The following CTNND2 variants were observed in gnomAD, a reference collection of about 807,000 sequenced individuals.
CTNND2 encodes catenin delta-2.
In CTNND2, 22 loss-of-function variants were observed where a neutral mutation model predicts 144.4. That is an observed-to-expected ratio of 0.15 (90% CI 0.11 to 0.22). The LOEUF (loss-of-function observed/expected upper bound fraction) is 0.22, where lower values mean the gene tolerates loss of function less well. Among genes scored for constraint, CTNND2 ranks in the 10% least tolerant of loss-of-function variants. The pLI is 1.00. For missense variants in CTNND2, 1,353 were observed against 1,618.8 expected (o/e 0.84, Z 2.82); for synonymous variants, 751 against 695.6 (o/e 1.08, Z -1.25).
chr5:11,814,920 G>A (rs1160914654), intron 1 of CTNND2, among the ~76,000 whole-genome samples: 2 of 152,146 alleles, frequency 1.3e-5, no homozygotes, highest in Admixed American at 1.3e-4. Context: ...AGTTAGAATT[G>A]ACCATAGCAG....
At chr5:11,154,333 G>A (rs756643335) in intron 12 of CTNND2, among the ~76,000 whole-genome samples, 10 of 152,152 alleles carry the variant, frequency 6.6e-5, no homozygotes, top group Non-Finnish European at 1.3e-4. Flanking sequence ...TCATTTCATG[G>A]CCATCCAGTC....
chr5:11,526,394 T>C (rs1773250024), intron 3 of CTNND2, among the ~76,000 whole-genome samples: 1 of 152,178 alleles, frequency 6.6e-6, no homozygotes, highest in Admixed American at 6.5e-5. Context: ...ATATGTTGTT[T>C]TGCTTCAAGT....
chr5:11,486,607 AG>A (rs924317351), intron 3 of CTNND2, among the ~76,000 whole-genome samples: 21 of 152,114 alleles, frequency 1.4e-4, no homozygotes, highest in Non-Finnish European at 2.1e-4. Context: ...GAGGGAATCC[AG>A]GAGGAATGAA....
intron 6 of CTNND2, among the ~76,000 whole-genome samples, chr5:11,395,633 C>G (rs573765188): frequency 6.6e-6 from 1 of 152,198 alleles, no homozygotes; most frequent in African/African-American, 2.4e-5. Flanking sequence ...GGCCCTTTAT[C>G]TCAATGGAAT....
chr5:11,031,030 T>G (rs1743417980), intron 16 of CTNND2, among the ~76,000 whole-genome samples: 1 of 152,214 alleles, frequency 6.6e-6, no homozygotes, highest in Non-Finnish European at 1.5e-5. Flanking sequence ...TCCCTGGGCA[T>G]GCATACTGGC....
At chr5:11,422,208 TG>T (rs1217712765) in intron 3 of CTNND2, among the ~76,000 whole-genome samples, 1 of 144,944 alleles carries the variant, frequency 6.9e-6, no homozygotes, top group African/African-American at 2.7e-5. Flanking sequence ...GAATTTATAT[TG>T]TCTACCTTTT....
chr5:11,171,093 G>C (rs563294592), intron 11 of CTNND2, among the ~76,000 whole-genome samples: 6 of 152,286 alleles, frequency 3.9e-5, no homozygotes, highest in African/African-American at 1.4e-4. Flanking sequence ...GGTGGGGACA[G>C]AGCCAAACTA....
chr5:11,186,490 C>T (rs1735640287), intron 11 of CTNND2, among the ~76,000 whole-genome samples: 2 of 152,146 alleles, frequency 1.3e-5, no homozygotes, highest in Admixed American at 1.3e-4. Flanking sequence ...ACCTCAAATT[C>T]ATTCTAATTT....
chr5:11,514,671 G>A (rs1053641112), intron 3 of CTNND2, among the ~76,000 whole-genome samples: 1 of 152,186 alleles, frequency 6.6e-6, no homozygotes, highest in Non-Finnish European at 1.5e-5. Context: ...CACACAGGAG[G>A]TGTCATTTTA....
At chr5:11,113,160 C>T (rs913852812) in intron 13 of CTNND2, among the ~76,000 whole-genome samples, 5 of 151,908 alleles carry the variant, frequency 3.3e-5, no homozygotes, top group Admixed American at 6.6e-5. Context: ...AACAAAAAAA[C>T]AAGCAAAAAA....
At chr5:11,648,015 G>T (rs1457292791) in intron 2 of CTNND2, among the ~76,000 whole-genome samples, 1 of 152,074 alleles carries the variant, frequency 6.6e-6, no homozygotes, top group Non-Finnish European at 1.5e-5. Flanking sequence ...CCTAGATATT[G>T]CCTTCTATAT....
intron 1 of CTNND2, among the ~76,000 whole-genome samples, chr5:11,855,019 T>C (rs1459425355): frequency 6.6e-6 from 1 of 152,232 alleles, no homozygotes; most frequent in African/African-American, 2.4e-5. Context: ...GTAACTATAA[T>C]GTGCAGCTGC....
intron 10 of CTNND2, among the ~76,000 whole-genome samples, chr5:11,229,103 C>A (rs537738684): frequency 1.3e-5 from 2 of 152,132 alleles, no homozygotes; most frequent in African/African-American, 2.4e-5. Context: ...CAGGTCGAAA[C>A]CTTAAATTAC....
chr5:11,114,744 C>T (rs1407804597), intron 13 of CTNND2, among the ~76,000 whole-genome samples: 2 of 152,154 alleles, frequency 1.3e-5, no homozygotes. Context: ...GAGTCACAAG[C>T]TTGTATGGAA....
chr5:11,799,262 T>C (rs1438576668), intron 1 of CTNND2, among the ~76,000 whole-genome samples: 1 of 152,206 alleles, frequency 6.6e-6, no homozygotes, highest in Non-Finnish European at 1.5e-5. Flanking sequence ...TCCCATTCTG[T>C]GATTCTATCT....
chr5:11,662,771 A>T (rs191182456), intron 2 of CTNND2, among the ~76,000 whole-genome samples: 1 of 152,242 alleles, frequency 6.6e-6, no homozygotes, highest in East Asian at 1.9e-4. Flanking sequence ...ATGAGATGGG[A>T]CAGTTTGGGC....
At chr5:11,467,029 GC>G (rs1269692848) in intron 3 of CTNND2, among the ~76,000 whole-genome samples, 1 of 152,206 alleles carries the variant, frequency 6.6e-6, no homozygotes, top group Non-Finnish European at 1.5e-5. Context: ...ACATGGAAAT[GC>G]CCAGGCTCAA....
intron 11 of CTNND2, among the ~76,000 whole-genome samples, chr5:11,198,959 T>C (rs1190228241): frequency 6.6e-6 from 1 of 152,250 alleles, no homozygotes; most frequent in Non-Finnish European, 1.5e-5. Flanking sequence ...AAAGCTTTAA[T>C]GTTCCCTTTT....
chr5:11,127,186 T>A (rs112996624), intron 12 of CTNND2, among the ~76,000 whole-genome samples: 2 of 152,266 alleles, frequency 1.3e-5, no homozygotes, highest in Non-Finnish European at 2.9e-5. Context: ...ACTAAAACTG[T>A]GGCTGGCTCA....
Sources: gnomAD v4.1 joint callset for allele counts (sites outside exome capture counted in the v4.1 genomes callset) on GRCh38, gnomAD v4.1.1 for gene constraint, MANE v1.5 for transcripts, NCBI Gene and HGNC (gene_info 2026-07-23, HGNC 2026-07-21) for gene names.